The following PAK3 variants were observed in gnomAD, a reference collection of about 807,000 sequenced individuals.
PAK3 encodes the protein serine/threonine-protein kinase PAK 3.
A neutral mutation model predicts 41.0 loss-of-function variants in PAK3; 4 were observed. The observed-to-expected ratio is 0.10, with a 90% confidence interval of 0.05 to 0.22. The LOEUF is 0.22. Among genes scored for constraint, PAK3 ranks in the 10% least tolerant of loss-of-function variants. The pLI, the probability that PAK3 is intolerant of heterozygous loss-of-function variation, is 1.00. For synonymous variants in PAK3, 146 were observed against 139.6 expected, an observed-to-expected ratio of 1.05 and a Z score of -0.32; for missense variants, 205 against 409.9, an observed-to-expected ratio of 0.50 and a Z score of 4.32.
intron 1 of PAK3, among the ~76,000 whole-genome samples, chrX:110,994,881 A>G (rs1419666318): frequency 2.7e-5 from 3 of 111,935 alleles, no homozygotes; most frequent in Non-Finnish European, 5.6e-5. Context: ...GTTTGCTGTT[A>G]TTATTATCAT....
At chrX:111,186,728 C>T (rs2094514702) in intron 11 of PAK3, among the ~76,000 whole-genome samples, 1 of 111,674 alleles carries the variant, frequency 9.0e-6, no homozygotes, top group South Asian at 3.7e-4. Flanking sequence ...TTTATAGATT[C>T]AATGCTATCC....
intron 5 of PAK3, among the ~76,000 whole-genome samples, chrX:111,131,940 T>G (rs988510524): frequency 8.9e-6 from 1 of 111,797 alleles, no homozygotes; most frequent in African/African-American, 3.3e-5. Context: ...TGGCACAGTG[T>G]GCTCTGTGAC....
At chrX:111,061,592 A>G (rs1312479891) in intron 1 of PAK3, among the ~76,000 whole-genome samples, 1 of 111,939 alleles carries the variant, frequency 8.9e-6, no homozygotes, top group Non-Finnish European at 1.9e-5. Context: ...TCCTTAACAT[A>G]ATGAGTCTTC....
intron 1 of PAK3, among the ~76,000 whole-genome samples, chrX:110,977,122 G>C (rs915767208): frequency 9.1e-6 from 1 of 110,146 alleles, no homozygotes; most frequent in East Asian, 2.8e-4. Context: ...AAAAATCAGT[G>C]GTTCATTCTC....
At chrX:111,090,664 G>T (rs2092923133) in intron 1 of PAK3, among the ~76,000 whole-genome samples, 1 of 111,597 alleles carries the variant, frequency 9.0e-6, no homozygotes, top group Non-Finnish European at 1.9e-5. Flanking sequence ...TGAAAGGTCT[G>T]TATCTCCGGC....
At chrX:110,960,043 A>G (rs2090946764) in intron 1 of PAK3, among the ~76,000 whole-genome samples, 1 of 112,025 alleles carries the variant, frequency 8.9e-6, no homozygotes, top group Non-Finnish European at 1.9e-5. Flanking sequence ...TACTTGGTTT[A>G]TCAGTTTCCT....
intron 8 of PAK3, among the ~76,000 whole-genome samples, chrX:111,159,575 A>G (rs1415525942): frequency 2.7e-5 from 3 of 111,829 alleles, no homozygotes; most frequent in African/African-American, 9.8e-5. Context: ...TTTCTGGAAC[A>G]TAATATCAAA....
chrX:111,219,862 T>A (rs999310069), intron 17 of PAK3, among the ~76,000 whole-genome samples: 1 of 111,061 alleles, frequency 9.0e-6, no homozygotes, highest in Admixed American at 9.6e-5. Flanking sequence ...TGGTAGAATG[T>A]CACAGGCTTC....
At chrX:111,110,180 A>T (rs931698426) in intron 4 of PAK3, among the ~76,000 whole-genome samples, 51 of 112,663 alleles carry the variant, frequency 4.5e-4, no homozygotes, top group Middle Eastern at 4.6e-3. Context: ...AACTGTAAAC[A>T]TCTATTGGTA....
chrX:111,071,280 A>G (rs755262889), intron 1 of PAK3, among the ~76,000 whole-genome samples: 4 of 112,009 alleles, frequency 3.6e-5, no homozygotes, highest in African/African-American at 1.3e-4. Context: ...GGTCTTTGGA[A>G]ACAGAAAGAA....
chrX:111,061,804 C>T (rs1242906796), intron 1 of PAK3, among the ~76,000 whole-genome samples: 1 of 109,672 alleles, frequency 9.1e-6, no homozygotes, highest in African/African-American at 3.3e-5. Context: ...CTTTGTGAAC[C>T]TTATACTCAG....
At chrX:111,029,488 A>T (rs1237625393) in intron 1 of PAK3, among the ~76,000 whole-genome samples, 1 of 112,279 alleles carries the variant, frequency 8.9e-6, no homozygotes, top group African/African-American at 3.2e-5. Flanking sequence ...TATATACTGT[A>T]TTCTCACAAT....
chrX:111,194,407 G>C lies in PAK3; in HGVS notation c.1099G>C (p.Val367Leu). 1 of 1,087,685 alleles carries C rather than the reference G, an allele frequency of 9.2e-7. No individual in the cohort carries two copies. The highest frequency in any genetic ancestry group is 1.3e-6 in the Non-Finnish European group (1 of 782,292). 89.6% of individuals were successfully genotyped at this position (1,087,685 alleles called of 1,213,427 possible). A position where few individuals can be genotyped will look rare whatever the true frequency, so the allele number is the denominator to read the frequency against. ...TCMDEGQIAA[V>L]CRECLQALDF... The stretch of plus-strand genomic sequence containing the variant: ...TATGGATGAAGGACAGATAGCAGCT[G>C]TCTGCAGAGAGGTAAGCAAATAGAG... The change falls in exon 14 of 18, where the codon GTC becomes CTC. Residue 367 changes from valine to leucine, a missense_variant. By Grantham distance (32) the Val-to-Leu change is conservative (BLOSUM62 1). Coordinates refer to ENST00000372007, the MANE Select transcript of PAK3 (RefSeq NM_002578.5).
chrX:111,027,697 G>A (rs910013782), intron 1 of PAK3, among the ~76,000 whole-genome samples: 1 of 110,994 alleles, frequency 9.0e-6, no homozygotes, highest in Non-Finnish European at 1.9e-5. Flanking sequence ...AGTGAAAAGA[G>A]AACACTTTTA....
Position 111,152,397 on chromosome X carries a change from T to C in PAK3, c.431-13T>C, listed in dbSNP as rs1332882785. ...TATGAAACAAAAATGACCTCTCTAT[T>C]CTCACTTTGCAGATAAAAGTGCACA... is the stretch of plus-strand genomic sequence containing the variant. On this transcript the variant is annotated splice_polypyrimidine_tract_variant and intron_variant, in intron 7 of 17. Coordinates refer to ENST00000372007, the MANE Select transcript of PAK3 (RefSeq NM_002578.5). 8.7e-7 allele frequency: 1 copy of C among 1,145,747 alleles called. No homozygotes were observed. The highest frequency in any genetic ancestry group is 1.8e-5 in the South Asian group (1 of 55,464). 94.4% of individuals were successfully genotyped at this position (1,145,747 alleles called of 1,213,427 possible).
chrX:111,135,185 A>T (rs2093771919), intron 5 of PAK3, among the ~76,000 whole-genome samples: 1 of 111,118 alleles, frequency 9.0e-6, no homozygotes, highest in Non-Finnish European at 1.9e-5. Context: ...ATGCAGAGGG[A>T]CTATTTAGGG....
chrX:111,152,402 C>A lies in PAK3; in HGVS notation c.431-8C>A. The A allele has an allele frequency of 8.6e-7, 1 of 1,158,533 alleles. No individual in the cohort carries two copies. The highest frequency in any genetic ancestry group is 1.2e-6 in the Non-Finnish European group (1 of 847,974). On this transcript the variant is annotated splice_region_variant and splice_polypyrimidine_tract_variant and intron_variant, in intron 7 of 17. Transcript: ENST00000372007. Reference sequence around the variant, plus strand: ...AACAAAAATGACCTCTCTATTCTCACTTTGCAGATAAAAGTGCACATGGAT... The same window carrying A: ...AACAAAAATGACCTCTCTATTCTCAATTTGCAGATAAAAGTGCACATGGAT...
At chrX:111,034,490 A>G (rs2092373262) in intron 1 of PAK3, among the ~76,000 whole-genome samples, 1 of 111,476 alleles carries the variant, frequency 9.0e-6, no homozygotes. Context: ...TTTTTAGTCA[A>G]CCTCTTTATT....
intron 1 of PAK3, among the ~76,000 whole-genome samples, chrX:111,024,374 G>A: frequency 9.0e-6 from 1 of 111,322 alleles, no homozygotes; most frequent in Middle Eastern, 4.6e-3. Flanking sequence ...TTGGCTATGT[G>A]GGCTCTTTTT....
Sources: allele counts gnomAD v4.1 joint callset (sites outside exome capture counted in the v4.1 genomes callset), GRCh38; gene constraint gnomAD v4.1.1; transcripts MANE v1.5; gene names NCBI Gene and HGNC (gene_info 2026-07-23, HGNC 2026-07-21).